The following PDXDC1 variants were observed in gnomAD, a reference collection of about 807,000 sequenced individuals.
PDXDC1 encodes the protein pyridoxal-dependent decarboxylase domain-containing protein 1.
PDXDC1 carries 42 observed loss-of-function variants against 100.1 expected under a neutral mutation model. The ratio of observed to expected loss-of-function variants is 0.42; its 90% CI spans 0.33 to 0.54. The LOEUF (loss-of-function observed/expected upper bound fraction) is 0.54. PDXDC1 is among the 20% of genes least tolerant of loss of function. PDXDC1 has a pLI of 0.10. For synonymous variants in PDXDC1, 260 were observed against 371.7 expected, an observed-to-expected ratio of 0.70 and a Z score of 3.46; for missense variants, 636 against 979.2, an observed-to-expected ratio of 0.65 and a Z score of 4.68.
chr16:15,074,593 A>C (rs1031149357), intron 16 of PDXDC1: 1 of 632,632 alleles, frequency 1.6e-6, no homozygotes. Context: ...TCTTTAAATC[A>C]TCTTAAACTC....
At chr16:15,038,944 A>C (rs962603082), downstream of PDXDC1, among the ~76,000 whole-genome samples, 3 of 152,186 alleles carry the variant, frequency 2.0e-5, no homozygotes, top group Non-Finnish European at 4.4e-5. Context: ...TTTGGGGTGA[A>C]AACTTGAGGC....
intron 1 of PDXDC1, chr16:14,989,505 T>C (rs1970201937): frequency 1.2e-6 from 2 of 1,612,252 alleles, no homozygotes; most frequent in East Asian, 2.2e-5. Context: ...CCCCACAGTC[T>C]GCAGCGCGGT....
rs373671554 is a variant in PDXDC1, at chr16:15,082,491, G to A, written c.1399+52435G>A. Among the ~76,000 whole-genome samples the A allele has an allele frequency of 4.0e-4, 61 of 152,010 alleles. 1 individual carries two copies. The highest frequency in any genetic ancestry group is 5.9e-4 in the Non-Finnish European group (40 of 67,986). On this transcript the variant is annotated intron_variant, in intron 16 of 16. Transcript: ENST00000535621. Reference sequence around the variant, plus strand: ...AGTTCAAGACCAGTCTGGCCAACGCGGCAAAATCCCATCTCTACCAAAAAC... The same window carrying A: ...AGTTCAAGACCAGTCTGGCCAACGCAGCAAAATCCCATCTCTACCAAAAAC...
Position 15,069,166 on chromosome 16 carries a change from C to T in PDXDC1, c.1399+39110C>T, listed in dbSNP as rs147116631. Among the ~76,000 whole-genome samples, 6 of 152,242 alleles carry T rather than the reference C, an allele frequency of 3.9e-5. 1 individual carries two copies. The highest frequency in any genetic ancestry group is 1.2e-4 in the African/African-American group (5 of 41,558). ...TGTGGCTGTTAACCCAAGGAGACTG[C>T]GACCCCCGCAGAGGACACCTGGCAG... is the stretch of plus-strand genomic sequence containing the variant. On this transcript the variant is annotated intron_variant, in intron 16 of 16. Coordinates refer to the PDXDC1 transcript ENST00000535621.
At chr16:15,058,935 A>G (rs546141029) in intron 16 of PDXDC1, among the ~76,000 whole-genome samples, 1 of 152,248 alleles carries the variant, frequency 6.6e-6, no homozygotes. Flanking sequence ...ACCTGGCCCC[A>G]AATTATTAGA....
intron 5 of PDXDC1, among the ~76,000 whole-genome samples, chr16:15,005,047 C>T (rs1308548252): frequency 6.6e-6 from 1 of 152,260 alleles, no homozygotes; most frequent in Non-Finnish European, 1.5e-5. Flanking sequence ...AAAATATTAG[C>T]TTGTGTTTTT....
intron 19 of PDXDC1, chr16:15,034,001 C>T: frequency 1.9e-6 from 1 of 525,558 alleles, no homozygotes; most frequent in South Asian, 2.6e-5. Flanking sequence ...CAGCTTCATT[C>T]CTTTCTGGGT....
chr16:14,984,037 C>T (rs537965846), intron 1 of PDXDC1, among the ~76,000 whole-genome samples: 2 of 152,378 alleles, frequency 1.3e-5, no homozygotes, highest in Admixed American at 6.5e-5. Flanking sequence ...GTGGCATGCA[C>T]CTGTAGTCCC....
At chr16:15,017,924 A>G (rs960275993) in intron 11 of PDXDC1, among the ~76,000 whole-genome samples, 1 of 152,078 alleles carries the variant, frequency 6.6e-6, no homozygotes, top group African/African-American at 2.4e-5. Flanking sequence ...CCTCCCAAGT[A>G]GCTGGGATTA....
chr16:15,100,542 G>A (rs1204869611), intron 16 of PDXDC1, among the ~76,000 whole-genome samples: 2 of 152,176 alleles, frequency 1.3e-5, no homozygotes, highest in African/African-American at 4.8e-5. Flanking sequence ...TCTGTGAACT[G>A]TGGGATGTTC....
rs1281453504 is a variant in PDXDC1, at chr16:15,036,252, G to A, written c.2344G>A (p.Glu782Lys). 1 of 1,613,926 alleles carries A rather than the reference G, an allele frequency of 6.2e-7. No individual in the cohort carries two copies. Among genetic ancestry groups the A allele is most frequent in the Non-Finnish European group, 8.5e-7 (1 of 1,179,924 alleles). Reference protein sequence around the residue: ...PHPEDDHSQVEGPESLR With the variant: ...PHPEDDHSQVKGPESLR ...CCCAGAAGATGACCACTCACAGGTA[G>A]AAGGACCGGAGAGCTTAAGATGAGA... is the stretch of plus-strand genomic sequence containing the variant. Residue 782 changes from glutamate to lysine, a missense_variant, in exon 23 of 23, where the codon GAA becomes AAA. By Grantham distance (56) the Glu-to-Lys change is moderately conservative. This residue lies in a region of PDXDC1 where 452 missense variants were observed against 402.9 expected (regional missense o/e 1.12). Transcript: ENST00000396410.
At chr16:14,997,694 G>A in intron 1 of PDXDC1, 59 bp from the exon 2 acceptor site, 2 of 1,501,496 alleles carry the variant, frequency 1.3e-6, no homozygotes, top group Non-Finnish European at 9.0e-7. Context: ...TGGGTGAATT[G>A]TGTTATAGAG....
At chr16:15,146,440 G>A in the PDXDC1 span, among the ~76,000 whole-genome samples, 6 of 152,230 alleles carry the variant, frequency 3.9e-5, no homozygotes, top group East Asian at 9.7e-4. Context: ...AAGGAGTGAG[G>A]ACGATACTCG....
chr16:15,055,852 T>G, intron 16 of PDXDC1: 5 of 1,127,470 alleles, frequency 4.4e-6, no homozygotes, highest in Non-Finnish European at 5.6e-6. Context: ...CAGCTTCCCC[T>G]CGGGCCCGCC....
At chr16:15,132,570 G>A (rs1598259237) in intron 16 of PDXDC1, 1 of 654,736 alleles carries the variant, frequency 1.5e-6, no homozygotes, top group East Asian at 2.7e-5. Flanking sequence ...TGAGGCTACT[G>A]AAGCAGGTCA....
intron 1 of PDXDC1, chr16:14,975,705 G>C: frequency 1.0e-6 from 1 of 979,790 alleles, no homozygotes; most frequent in Non-Finnish European, 1.2e-6. Flanking sequence ...CAGCCTGAGT[G>C]GGAATCACCT....
intron 22 of PDXDC1, 21 bp downstream of exon 22, chr16:15,035,574 G>A (rs781310920): frequency 6.2e-6 from 9 of 1,460,702 alleles, no homozygotes; most frequent in South Asian, 5.9e-5. Flanking sequence ...CCTCTGCACC[G>A]AGTTCAGGTA....
At chr16:15,001,881 T>C in intron 4 of PDXDC1, 25 bp downstream of exon 4, 1 of 1,576,762 alleles carries the variant, frequency 6.3e-7, no homozygotes, top group Non-Finnish European at 8.6e-7. Context: ...AGCTTCTCTT[T>C]TCAAGTGTAT....
At chr16:15,053,063 G>C (rs936358034) in intron 16 of PDXDC1, among the ~76,000 whole-genome samples, 17 of 152,206 alleles carry the variant, frequency 1.1e-4, no homozygotes, top group South Asian at 2.1e-4. Context: ...CTGTCTGCTC[G>C]GCACTTGAAA....
Sources: gnomAD v4.1 joint callset for allele counts (sites outside exome capture counted in the v4.1 genomes callset) on GRCh38, gnomAD v4.1.1 for gene constraint, gnomAD v4.1.1 regional missense constraint, MANE v1.5 for transcripts, NCBI Gene and HGNC (gene_info 2026-07-23, HGNC 2026-07-21) for gene names.